The following PTPRD variants were observed in gnomAD, a reference collection of about 807,000 sequenced individuals.
PTPRD encodes the protein protein tyrosine phosphatase receptor type D, also known as receptor-type tyrosine-protein phosphatase delta.
PTPRD carries 34 observed loss-of-function variants against 214.5 expected under a neutral mutation model. That is an observed-to-expected ratio of 0.16 (90% CI 0.12 to 0.21). PTPRD has a LOEUF of 0.21. Ranked by LOEUF, PTPRD falls within the 10% of genes least tolerant of loss-of-function variation. The pLI is 1.00. For missense variants in PTPRD, 2,545 were observed against 2,398.7 expected, an observed-to-expected ratio of 1.06 and a Z score of -1.27; for synonymous variants, 1,128 against 845.7, an observed-to-expected ratio of 1.33 and a Z score of -5.79.
chr9:9,327,436 T>G (rs745509295), intron 9 of PTPRD, among the ~76,000 whole-genome samples: 18 of 152,260 alleles, frequency 1.2e-4, no homozygotes, highest in Admixed American at 2.0e-4. Context: ...AAAATTTACG[T>G]TTGTGGCACA....
intron 9 of PTPRD, among the ~76,000 whole-genome samples, chr9:9,327,177 T>A (rs1184228360): frequency 6.6e-6 from 1 of 152,146 alleles, no homozygotes; most frequent in Non-Finnish European, 1.5e-5. Flanking sequence ...CACAGACTCA[T>A]TTATATTGAG....
intron 9 of PTPRD, among the ~76,000 whole-genome samples, chr9:9,237,039 T>A (rs999653546): frequency 6.6e-6 from 1 of 152,158 alleles, no homozygotes; most frequent in Non-Finnish European, 1.5e-5. Flanking sequence ...TGTTTGACTT[T>A]CTCTACTAAG....
intron 9 of PTPRD, among the ~76,000 whole-genome samples, chr9:9,262,927 T>C (rs1012901600): frequency 2.6e-5 from 4 of 151,656 alleles, no homozygotes; most frequent in Admixed American, 2.6e-4. Flanking sequence ...TTCCTAACAA[T>C]TTTGGTGTCA....
chr9:9,012,508 T>G (rs1040593198), intron 11 of PTPRD, among the ~76,000 whole-genome samples: 1 of 152,252 alleles, frequency 6.6e-6, no homozygotes, highest in East Asian at 1.9e-4. Flanking sequence ...GGGAGTTATG[T>G]AGGCAAATTC....
At position 8,314,594 on chromosome 9, in the gene PTPRD, A is replaced by G; in HGVS notation, c.*3280T>C. 4.3e-6 allele frequency: 1 copy of G among 232,196 alleles called. No homozygotes were observed. The highest frequency in any genetic ancestry group is 8.5e-6 in the Non-Finnish European group (1 of 117,272). The allele number at this position is 232,196 out of a possible 1,614,324, so 14.4% of individuals were successfully genotyped here. ...TCTGTAGCCTTCTGATCTCTGCTGG[A>G]GTATCAGGGCACCCATAAACCCAAA... On this transcript the variant is annotated 3_prime_UTR_variant, in exon 46 of 46. Transcript: ENST00000381196.
intron 7 of PTPRD, among the ~76,000 whole-genome samples, chr9:9,620,552 C>G (rs557893179): frequency 6.6e-6 from 1 of 152,208 alleles, no homozygotes; most frequent in East Asian, 1.9e-4. Context: ...TATTTCTCAT[C>G]AATTTTTACA....
intron 12 of PTPRD, among the ~76,000 whole-genome samples, chr9:8,650,328 G>A (rs963100039): frequency 6.6e-6 from 1 of 152,142 alleles, no homozygotes; most frequent in South Asian, 2.1e-4. Context: ...TTAGGAGTTT[G>A]AGACCAGCCT....
chr9:8,777,811 T>TTAGTGACTGGAGCAAAGCA (rs1285332310), intron 11 of PTPRD, among the ~76,000 whole-genome samples: 1 of 152,222 alleles, frequency 6.6e-6, no homozygotes, highest in Non-Finnish European at 1.5e-5. Context: ...GGACCTAATT[T>TTAGTGACTGGAGCAAAGCA]TAGTGACTGG....
intron 12 of PTPRD, among the ~76,000 whole-genome samples, chr9:8,658,635 G>C (rs2154352028): frequency 6.8e-6 from 1 of 147,600 alleles, no homozygotes; most frequent in East Asian, 2.0e-4. Context: ...AATTAGTTTT[G>C]CAATTTTGTG....
At chr9:9,589,966 T>C (rs2092545553) in intron 7 of PTPRD, among the ~76,000 whole-genome samples, 1 of 151,962 alleles carries the variant, frequency 6.6e-6, no homozygotes, top group South Asian at 2.1e-4. Context: ...ATTCATACAT[T>C]GTGATTCTCA....
intron 44 of PTPRD, among the ~76,000 whole-genome samples, chr9:8,321,276 T>G (rs1226691831): frequency 6.6e-6 from 1 of 151,792 alleles, no homozygotes; most frequent in African/African-American, 2.4e-5. Context: ...TACCTTGATT[T>G]GATAGCTCGA....
At chr9:8,449,245 T>TCCTC (rs1397082958) in intron 34 of PTPRD, among the ~76,000 whole-genome samples, 6 of 151,998 alleles carry the variant, frequency 3.9e-5, no homozygotes, top group African/African-American at 9.7e-5. Flanking sequence ...TACCTCATTT[T>TCCTC]CCTCCCTCCC....
At chr9:10,162,961 AG>A (rs1302403566) in intron 3 of PTPRD, among the ~76,000 whole-genome samples, 2 of 150,868 alleles carry the variant, frequency 1.3e-5, no homozygotes, top group Admixed American at 1.3e-4. Flanking sequence ...TGGCTCCAAA[AG>A]GAATATATAA....
chr9:9,897,519 G>A (rs2075326900), intron 5 of PTPRD, among the ~76,000 whole-genome samples: 1 of 151,726 alleles, frequency 6.6e-6, no homozygotes, highest in Non-Finnish European at 1.5e-5. Context: ...TTCTTCAATA[G>A]GACTATATCT....
At chr9:10,589,332 A>C (rs1337374450) in intron 2 of PTPRD, among the ~76,000 whole-genome samples, 3 of 152,070 alleles carry the variant, frequency 2.0e-5, no homozygotes, top group Admixed American at 6.6e-5. Context: ...ACCCAATAAC[A>C]AAGTTTTAGT....
intron 7 of PTPRD, among the ~76,000 whole-genome samples, chr9:9,676,840 T>C (rs1312379263): frequency 6.6e-6 from 1 of 152,196 alleles, no homozygotes; most frequent in Non-Finnish European, 1.5e-5. Context: ...AGATGGTATC[T>C]CATTGTGGTT....
At position 9,705,033 on chromosome 9, in the gene PTPRD, T is replaced by C. The variant is rs372046258; in HGVS notation, c.-287+29500A>G. Among the ~76,000 whole-genome samples the C allele has an allele frequency of 7.9e-5, 12 of 152,332 alleles. No individual in the cohort carries two copies. In the East Asian group the frequency reaches 2.1e-3, roughly 27 times the overall value. ...TTAATGAAGTTACATGTTTTTTATATGCCATCCCCTCCTTTTCTTTTCTTT... is the reference window on the plus strand; with the variant it reads ...TTAATGAAGTTACATGTTTTTTATACGCCATCCCCTCCTTTTCTTTTCTTT... On this transcript the variant is annotated intron_variant, in intron 7 of 45. Transcript: ENST00000381196.
At chr9:8,671,545 AG>A (rs2097286127) in intron 12 of PTPRD, among the ~76,000 whole-genome samples, 1 of 152,166 alleles carries the variant, frequency 6.6e-6, no homozygotes, top group Non-Finnish European at 1.5e-5. Flanking sequence ...ACTGTAAAGC[AG>A]TTTAGAAAAA....
intron 2 of PTPRD, among the ~76,000 whole-genome samples, chr9:10,369,864 A>C (rs1279228602): frequency 3.9e-5 from 6 of 152,138 alleles, no homozygotes; most frequent in Non-Finnish European, 8.8e-5. Context: ...AAGCATAAAT[A>C]GCATGTCATA....
Sources: gnomAD v4.1 joint callset for allele counts (sites outside exome capture counted in the v4.1 genomes callset) on GRCh38, gnomAD v4.1.1 for gene constraint, MANE v1.5 for transcripts, NCBI Gene and HGNC (gene_info 2026-07-23, HGNC 2026-07-21) for gene names.